Variants in EMB observed in about 807,000 individuals in gnomAD.
EMB encodes the protein embigin homolog.
Under a neutral mutation model 41.4 loss-of-function variants are expected in EMB, and 31 were observed. The observed-to-expected ratio is 0.75, with a 90% CI of 0.56 to 1.01. The LOEUF (loss-of-function observed/expected upper bound fraction) is 1.01. Ranked by LOEUF, EMB falls within the 50% of genes least tolerant of loss-of-function variation. The pLI is 0.00. For synonymous variants in EMB, 137 were observed against 140.4 expected, an observed-to-expected ratio of 0.98 and a Z score of 0.17; for missense variants, 379 against 388.3, an observed-to-expected ratio of 0.98 and a Z score of 0.20.
In EMB at chr5:50,417,525, T is replaced by C. The variant is rs1209937029; in HGVS notation, c.197-6142A>G. On this transcript the variant is annotated intron_variant, in intron 2 of 8. Transcript: ENST00000303221. ...TCTGATTAGTGCCACACCAATGTGA[T>C]ACAGCCTAAAACACACGTGCTTCCT... Among the ~76,000 whole-genome samples, 3 of 152,204 alleles carry C rather than the reference T, an allele frequency of 2.0e-5. No homozygotes were observed. The East Asian group carries it at 5.8e-4, about 29-fold the overall frequency.
chr5:50,427,453 A>T (rs1372725077), intron 2 of EMB, among the ~76,000 whole-genome samples: 6 of 151,700 alleles, frequency 4.0e-5, no homozygotes, highest in Admixed American at 2.0e-4. Flanking sequence ...TTAATGACAA[A>T]TCTTTGTCAA....
At chr5:50,413,951 T>C (rs550564112) in intron 2 of EMB, among the ~76,000 whole-genome samples, 2 of 152,212 alleles carry the variant, frequency 1.3e-5, no homozygotes, top group South Asian at 2.1e-4. Context: ...CTGAAGATTA[T>C]AAGATACTCA....
In EMB at chr5:50,410,881, G is replaced by T. The variant is rs1289510152; in HGVS notation, c.468C>A (p.Phe156Leu). 1 of 1,585,768 alleles carries T rather than the reference G, an allele frequency of 6.3e-7. No homozygotes were observed. The highest frequency in any genetic ancestry group is 8.6e-7 in the Non-Finnish European group (1 of 1,165,198). Reference protein sequence around the residue: ...EEKEQRGTFNFKVPELHGKNK... With the variant: ...EEKEQRGTFNLKVPELHGKNK... ...CCTCAAGTTATTAATACTGACCTTTGAAATTAAATGTTCCCCTTTGTTCCT... is the reference window on the plus strand; with the variant it reads ...CCTCAAGTTATTAATACTGACCTTTTAAATTAAATGTTCCCCTTTGTTCCT... The change falls in exon 4 of 9, where the codon TTC becomes TTA. Residue 156 changes from phenylalanine to leucine, a missense_variant. Phe to Leu is a conservative substitution (Grantham distance 22). Transcript: ENST00000303221.
chr5:50,399,459 C>T (rs185200659), intron 8 of EMB, among the ~76,000 whole-genome samples, 169 bp from the exon 9 acceptor site: 3 of 151,882 alleles, frequency 2.0e-5, no homozygotes, highest in Non-Finnish European at 4.4e-5. Flanking sequence ...TGAATCTAAT[C>T]AGCAAAGAAA....
In EMB at chr5:50,403,138, C is replaced by T. The variant is rs534480005; in HGVS notation, c.877+40G>A. ...TGATACTTATAATTAACTGATAATA[C>T]TTTCTAAAAAAAACAAAAAACAAAA... On this transcript the variant is annotated intron_variant, in intron 6 of 8. Coordinates refer to ENST00000303221, the MANE Select transcript of EMB (RefSeq NM_198449.3). 1.6e-5 allele frequency: 24 copies of T among 1,498,896 alleles called. No individual in the cohort carries two copies. The African/African-American group carries it at 2.2e-4, about 14-fold the overall frequency. 92.8% of individuals were successfully genotyped at this position (1,498,896 alleles called of 1,614,324 possible). A position where few individuals can be genotyped will look rare whatever the true frequency, so the allele number is the denominator to read the frequency against.
intron 2 of EMB, among the ~76,000 whole-genome samples, chr5:50,413,739 C>T (rs1745382911): frequency 6.6e-6 from 1 of 152,002 alleles, no homozygotes; most frequent in South Asian, 2.1e-4. Flanking sequence ...CCATGCCTGG[C>T]TAATTTTTTT....
chr5:50,422,914 A>T (rs1745548414), intron 2 of EMB, among the ~76,000 whole-genome samples: 1 of 152,202 alleles, frequency 6.6e-6, no homozygotes. Context: ...GATGTGCATA[A>T]TTTCTAACTG....
At chr5:50,406,316 A>G (rs1745247699) in intron 4 of EMB, among the ~76,000 whole-genome samples, 1 of 151,912 alleles carries the variant, frequency 6.6e-6, no homozygotes, top group Admixed American at 6.6e-5. Context: ...GCAAAGAGTT[A>G]GAGAAGGTGG....
Position 50,411,298 on chromosome 5 carries a change from C to T in EMB, c.282G>A (p.Gly94=). The change falls in exon 3 of 9, where the codon GGG becomes GGA. Residue 94 remains glycine, a synonymous_variant. Coordinates refer to ENST00000303221, the MANE Select transcript of EMB (RefSeq NM_198449.3). ...AAGTCACATTTACTGCATTCAAATC[C>T]CCAGATGTTGTGAACTGGCATGTGA... ...VNLTCQFTTS[G]DLNAVNVTWK... 6 of 1,612,812 alleles carry T rather than the reference C, an allele frequency of 3.7e-6. No homozygotes were observed. The South Asian group carries it at 6.6e-5, about 18-fold the overall frequency.
Position 50,441,216 on chromosome 5 carries a change from C to T in EMB, c.-65G>A. 9.5e-7 allele frequency: 1 copy of T among 1,047,628 alleles called. No homozygotes were observed. Among genetic ancestry groups the T allele is most frequent in the African/African-American group, 1.7e-5 (1 of 60,044 alleles). 64.9% of individuals were successfully genotyped at this position (1,047,628 alleles called of 1,614,324 possible). The stretch of plus-strand genomic sequence containing the variant: ...CCCTCAGCTCGCCGCCGCGGGTGTC[C>T]AGAGTCCCTGCGCACACTCGCAGGT... On this transcript the variant is annotated 5_prime_UTR_variant, in exon 1 of 9. Coordinates refer to ENST00000303221, the MANE Select transcript of EMB (RefSeq NM_198449.3).
chr5:50,420,489 TG>T (rs1454185185), intron 2 of EMB, among the ~76,000 whole-genome samples: 1 of 152,232 alleles, frequency 6.6e-6, no homozygotes, highest in Non-Finnish European at 1.5e-5. Flanking sequence ...TCAGGTCACA[TG>T]CCTCCTTTGC....
chr5:50,440,925 C>T, intron 1 of EMB, 115 bp downstream of exon 1: 1 of 668,826 alleles, frequency 1.5e-6, no homozygotes, highest in Non-Finnish European at 2.2e-6. Context: ...TACCAGCATC[C>T]CCGCGCCTCT....
intron 2 of EMB, among the ~76,000 whole-genome samples, chr5:50,427,586 G>A (rs1223040376): frequency 6.6e-6 from 1 of 151,740 alleles, no homozygotes; most frequent in African/African-American, 2.4e-5. Flanking sequence ...TCGGCTCACT[G>A]AAACCTCCAA....
At chr5:50,438,766 T>C (rs190019018) in intron 1 of EMB, among the ~76,000 whole-genome samples, 1,662 of 152,290 alleles carry the variant, frequency 0.011, 21 homozygotes, top group African/African-American at 0.034. Flanking sequence ...ACTTTTGTCT[T>C]GTACATTATT....
intron 1 of EMB, among the ~76,000 whole-genome samples, chr5:50,429,676 T>C (rs182156174): frequency 3.9e-5 from 6 of 152,222 alleles, no homozygotes; most frequent in Admixed American, 3.9e-4. Context: ...TCTCAGAACT[T>C]ATAATAATTT....
intron 4 of EMB, among the ~76,000 whole-genome samples, chr5:50,408,035 A>G (rs1217668768): frequency 6.6e-6 from 1 of 152,038 alleles, no homozygotes; most frequent in Non-Finnish European, 1.5e-5. Context: ...AATGCTAACT[A>G]TACTTCAACA....
intron 1 of EMB, among the ~76,000 whole-genome samples, chr5:50,435,186 T>C (rs1745784154): frequency 6.6e-6 from 1 of 152,160 alleles, no homozygotes; most frequent in Non-Finnish European, 1.5e-5. Context: ...GAACAGAACA[T>C]TTTCCCCTCT....
rs1258855736 is a variant in EMB, at chr5:50,396,310, A to G, written c.*2963T>C. 6.6e-6 allele frequency: 1 copy of G among 152,178 alleles called. No homozygotes were observed. The highest frequency in any genetic ancestry group is 2.4e-5 in the African/African-American group (1 of 41,444). 9.4% of individuals were successfully genotyped at this position (152,178 alleles called of 1,614,324 possible). On this transcript the variant is annotated 3_prime_UTR_variant, in exon 9 of 9. Transcript: ENST00000303221. Reference sequence around the variant, plus strand: ...TTTACAAAATTTAATTTTTATTTATACATTCATCCGTTCAATACACATTTC... The same window carrying G: ...TTTACAAAATTTAATTTTTATTTATGCATTCATCCGTTCAATACACATTTC...
intron 4 of EMB, among the ~76,000 whole-genome samples, chr5:50,410,280 T>C (rs1242801522): frequency 2.6e-5 from 4 of 152,144 alleles, no homozygotes; most frequent in Admixed American, 6.6e-5. Flanking sequence ...GTCTTTATTA[T>C]GAGATTGAGA....
Sources: gnomAD v4.1 joint callset for allele counts (sites outside exome capture counted in the v4.1 genomes callset) on GRCh38, gnomAD v4.1.1 for gene constraint, MANE v1.5 for transcripts, NCBI Gene and HGNC (gene_info 2026-07-23, HGNC 2026-07-21) for gene names.